The following CDC14B variants were observed in gnomAD, a reference collection of about 807,000 sequenced individuals.
CDC14B encodes cell division cycle 14B.
A neutral mutation model predicts 64.2 loss-of-function variants in CDC14B; 22 were observed. The ratio of observed to expected loss-of-function variants is 0.34; its 90% CI spans 0.24 to 0.49. CDC14B has a LOEUF of 0.49. Among genes scored for constraint, CDC14B ranks in the 20% least tolerant of loss-of-function variants. The pLI, the probability that CDC14B is intolerant of heterozygous loss-of-function variation, is 0.99. For synonymous variants in CDC14B, 191 were observed against 215.8 expected (o/e 0.89, Z 1.01); for missense variants, 498 against 629.9 (o/e 0.79, Z 2.24).
chr9:96,547,669 C>A (rs1841155849), intron 5 of CDC14B, among the ~76,000 whole-genome samples: 1 of 152,060 alleles, frequency 6.6e-6, no homozygotes, highest in African/African-American at 2.4e-5. Flanking sequence ...CAAGGCTGAT[C>A]TTCCAAATCC....
chr9:96,576,007 G>A (rs552690491), intron 1 of CDC14B, among the ~76,000 whole-genome samples: 2 of 152,368 alleles, frequency 1.3e-5, no homozygotes, highest in South Asian at 2.1e-4. Flanking sequence ...TGGGCTTGGC[G>A]GCTCGCGCCT....
chr9:96,602,834 C>T (rs1208536053), intron 1 of CDC14B, among the ~76,000 whole-genome samples: 1 of 152,034 alleles, frequency 6.6e-6, no homozygotes, highest in Non-Finnish European at 1.5e-5. Context: ...TCTCTGCGTT[C>T]TTTTTTTAAA....
intron 1 of CDC14B, among the ~76,000 whole-genome samples, chr9:96,592,275 A>G (rs1357033627): frequency 6.6e-6 from 1 of 151,952 alleles, no homozygotes; most frequent in Admixed American, 6.6e-5. Flanking sequence ...ACACGGTCTC[A>G]CTATGTTGCC....
rs1297309677 is a variant in CDC14B, at chr9:96,534,099, AG to A, written c.773del (p.Thr258IlefsTer6). 6.2e-7 allele frequency: 1 copy of A among 1,611,970 alleles called. No individual in the cohort carries two copies. The highest frequency in any genetic ancestry group is 8.5e-7 in the Non-Finnish European group (1 of 1,178,524). ...TCCTTTTATTCAGACGAATAATGGT[AG>A]TAACATTGTGATTCTTAAAATATTG... Reference protein sequence around the residue: ...YIQYFKNHNVTTIIRLNKRMY... With the variant: ...YIQYFKNHNVXTIIRLNKRMY... On this transcript the variant is annotated frameshift_variant, in exon 9 of 14. Transcript: ENST00000375241. LOFTEE classifies it high-confidence loss of function.
chr9:96,538,826 G>A, intron 7 of CDC14B: 1 of 370,932 alleles, frequency 2.7e-6, no homozygotes, highest in Middle Eastern at 8.0e-4. Context: ...GAGATCTAAT[G>A]TGTGTACTGT....
chr9:96,509,750 A>C lies in CDC14B; in HGVS notation c.1383T>G (p.Ser461=). The C allele has an allele frequency of 6.2e-7, 1 of 1,612,928 alleles. No individual in the cohort carries two copies. Among genetic ancestry groups the C allele is most frequent in the Non-Finnish European group, 8.5e-7 (1 of 1,178,982 alleles). Residue 461 remains serine, a synonymous_variant, in exon 13 of 14, where the codon TCT becomes TCG. Coordinates refer to ENST00000375241, the MANE Select transcript of CDC14B (RefSeq NM_033331.4). The part of the protein sequence containing the change: ...LQSSVQSCKT[S]EPNISGSAGI... The stretch of plus-strand genomic sequence containing the variant: ...CTGCACTGCCAGAAATGTTAGGTTC[A>C]GATGTTTTACAGCTCTGAACACTGG...
At chr9:96,563,023 C>T (rs1483785104) in intron 3 of CDC14B, among the ~76,000 whole-genome samples, 1 of 152,198 alleles carries the variant, frequency 6.6e-6, no homozygotes, top group Non-Finnish European at 1.5e-5. Flanking sequence ...TGGACACATG[C>T]TTAAAGCATG....
intron 5 of CDC14B, among the ~76,000 whole-genome samples, chr9:96,550,519 A>G (rs1841644739): frequency 6.6e-6 from 1 of 152,246 alleles, no homozygotes; most frequent in South Asian, 2.1e-4. Flanking sequence ...AGGGCCATAC[A>G]TTCAAAATCA....
At chr9:96,564,956 C>A in intron 2 of CDC14B, 104 bp from the exon 3 acceptor site, 1 of 690,704 alleles carries the variant, frequency 1.4e-6, no homozygotes, top group Non-Finnish European at 2.4e-6. Flanking sequence ...AAGCATATAC[C>A]AAATTGTTAT....
chr9:96,594,225 G>T (rs895776895), intron 1 of CDC14B, among the ~76,000 whole-genome samples: 1 of 152,178 alleles, frequency 6.6e-6, no homozygotes, highest in African/African-American at 2.4e-5. Context: ...GTAAACTGAG[G>T]CAGAACCTGG....
chr9:96,602,042 G>A (rs1168841645), intron 1 of CDC14B, among the ~76,000 whole-genome samples: 1 of 152,120 alleles, frequency 6.6e-6, no homozygotes, highest in South Asian at 2.1e-4. Flanking sequence ...CTGGACGACA[G>A]AGCGAGACTC....
intron 4 of CDC14B, among the ~76,000 whole-genome samples, chr9:96,562,194 C>G (rs1843303438): frequency 1.3e-5 from 2 of 152,116 alleles, no homozygotes; most frequent in Admixed American, 1.3e-4. Context: ...CCGTGGCCTC[C>G]TGCTAGATGT....
At chr9:96,543,207 G>A (rs1840327579) in intron 5 of CDC14B, among the ~76,000 whole-genome samples, 1 of 151,932 alleles carries the variant, frequency 6.6e-6, no homozygotes, top group South Asian at 2.1e-4. Flanking sequence ...GTGGTGGGGG[G>A]CACCTGTAGT....
chr9:96,605,046 A>G (rs903989375), intron 1 of CDC14B, among the ~76,000 whole-genome samples: 1 of 152,114 alleles, frequency 6.6e-6, no homozygotes, highest in Non-Finnish European at 1.5e-5. Flanking sequence ...TCACATGCAT[A>G]TGCTTTCTCA....
intron 4 of CDC14B, among the ~76,000 whole-genome samples, chr9:96,558,949 C>G (rs186018566): frequency 6.6e-6 from 1 of 152,274 alleles, no homozygotes; most frequent in Non-Finnish European, 1.5e-5. Flanking sequence ...ATTCAGATAG[C>G]TGAATGGGAA....
At position 96,515,664 on chromosome 9, in the gene CDC14B, G is replaced by C; in HGVS notation, c.1344-5875C>G. The C allele has an allele frequency of 6.3e-7, 1 of 1,581,140 alleles. No homozygotes were observed. The highest frequency in any genetic ancestry group is 1.2e-5 in the South Asian group (1 of 86,330). On this transcript the variant is annotated intron_variant, in intron 12 of 13. Transcript: ENST00000375241. The surrounding 1 kb of genome is among the most constrained non-coding windows in gnomAD (Gnocchi z 4.3). ...GGACACTTACAGCAGCTATCTGTCA[G>C]GGGGTCCTGATGGCTACTGTGTTCT...
At chr9:96,495,329 C>G (rs964321415), downstream of CDC14B, among the ~76,000 whole-genome samples, 13 of 152,156 alleles carry the variant, frequency 8.5e-5, no homozygotes, top group African/African-American at 3.1e-4. Flanking sequence ...AGAACCACCA[C>G]CCTGCAAAGG....
chr9:96,498,484 C>T (rs959043438), downstream of CDC14B, among the ~76,000 whole-genome samples: 3 of 152,204 alleles, frequency 2.0e-5, no homozygotes, highest in Non-Finnish European at 4.4e-5. Context: ...CCCAAGCTTG[C>T]CTCTGAACAA....
In CDC14B at chr9:96,541,920, A is replaced by G. The variant is rs1389507575; in HGVS notation, c.498-28T>C. On this transcript the variant is annotated intron_variant, in intron 5 of 13. Coordinates refer to ENST00000375241, the MANE Select transcript of CDC14B (RefSeq NM_033331.4). ...GAAACCCAAGAGTAATAAAATGTAGATCAGTTAATTTTCTGCAATTACACT... is the reference window on the plus strand; with the variant it reads ...GAAACCCAAGAGTAATAAAATGTAGGTCAGTTAATTTTCTGCAATTACACT... The G allele has an allele frequency of 2.6e-6, 4 of 1,545,436 alleles. No homozygotes were observed. The South Asian group carries it at 4.6e-5, about 18-fold the overall frequency.
Sources: allele counts gnomAD v4.1 joint callset (sites outside exome capture counted in the v4.1 genomes callset), GRCh38; gene constraint gnomAD v4.1.1; non-coding constraint Gnocchi (gnomAD v3.1); transcripts MANE v1.5; gene names NCBI Gene and HGNC (gene_info 2026-07-23, HGNC 2026-07-21).